The following COLEC12 variants were observed in gnomAD, a reference collection of about 807,000 sequenced individuals.
COLEC12 encodes collectin subfamily member 12.
Under a neutral mutation model 71.1 loss-of-function variants are expected in COLEC12, and 33 were observed. The ratio of observed to expected loss-of-function variants is 0.46; its 90% CI spans 0.35 to 0.62. The LOEUF (loss-of-function observed/expected upper bound fraction) is 0.62. Ranked by LOEUF, COLEC12 falls within the 20% of genes least tolerant of loss-of-function variation. The probability of loss-of-function intolerance (pLI) is 0.00; values close to 1 mark genes in which losing one functional copy is unlikely to be tolerated. For missense variants in COLEC12, 765 were observed against 916.1 expected (o/e 0.84, Z 2.13); for synonymous variants, 350 against 353.0 (o/e 0.99, Z 0.10).
intron 8 of COLEC12, among the ~76,000 whole-genome samples, chr18:322,922 T>C (rs1211037469): frequency 2.6e-5 from 4 of 152,046 alleles, no homozygotes; most frequent in South Asian, 4.1e-4. Context: ...TATTTTGGGA[T>C]TTAAAAAAAA....
Position 347,104 on chromosome 18 carries a change from G to A in COLEC12, c.518C>T (p.Ala173Val), listed in dbSNP as rs201197346. The part of the protein sequence containing the change: ...LITTVNKTLQ[A>V]YNGYVTNLQQ... ...CAGATTCGTGACATAGCCATTATAC[G>A]CCTGGAGGGTTTTGTTTACAGTGGT... is the stretch of plus-strand genomic sequence containing the variant. The change falls in exon 5 of 10, where the codon GCG becomes GTG. Residue 173 changes from alanine (A) to valine (V), a missense_variant. Physicochemically the swap from Ala to Val is moderately conservative, Grantham distance 64. Transcript: ENST00000400256. 6.8e-5 allele frequency: 109 copies of A among 1,614,020 alleles called. No individual in the cohort carries two copies. The highest frequency in any genetic ancestry group is 8.6e-5 in the Non-Finnish European group (102 of 1,180,034).
chr18:326,470 C>T (rs1206010687), intron 8 of COLEC12, among the ~76,000 whole-genome samples: 1 of 152,196 alleles, frequency 6.6e-6, no homozygotes, highest in African/African-American at 2.4e-5. Context: ...GCCTCAGCCT[C>T]CCGAGTAGCT....
At position 346,960 on chromosome 18, in the gene COLEC12, G is replaced by A. The variant is rs148602317; in HGVS notation, c.662C>T (p.Thr221Met). The A allele has an allele frequency of 3.2e-5, 52 of 1,614,196 alleles. No homozygotes were observed. In the African/African-American group the frequency reaches 4.9e-4, roughly 15 times the overall value. Residue 221 changes from threonine (T) to methionine (M), a missense_variant, in exon 5 of 10, where the codon ACG becomes ATG. Transcript: ENST00000400256. This position sits in a 1 kb window ranked among gnomAD's most constrained non-coding sequence, Gnocchi z 4.0. ...GTCATCCACAGACCGCTGCAGATTC[G>A]TGATGAGGTTCCTCTGCTGCACCTG... is the stretch of plus-strand genomic sequence containing the variant. Reference protein sequence around the residue: ...LTQVQQRNLITNLQRSVDDTS... With the variant: ...LTQVQQRNLIMNLQRSVDDTS...
At chr18:458,474 C>G (rs569488973) in intron 2 of COLEC12, among the ~76,000 whole-genome samples, 1 of 152,214 alleles carries the variant, frequency 6.6e-6, no homozygotes, top group African/African-American at 2.4e-5. Flanking sequence ...TGCACCTGAA[C>G]GATCCAGGTT....
At chr18:368,603 G>C (rs774995927) in intron 2 of COLEC12, among the ~76,000 whole-genome samples, 4 of 151,886 alleles carry the variant, frequency 2.6e-5, no homozygotes. Flanking sequence ...GGTGGCTCAG[G>C]CCTGTAATCC....
chr18:389,429 C>T (rs1169199890), intron 2 of COLEC12, among the ~76,000 whole-genome samples: 1 of 151,872 alleles, frequency 6.6e-6, no homozygotes, highest in African/African-American at 2.4e-5. Context: ...CAGGCGCCCG[C>T]CACCATGCTC....
chr18:456,798 AT>A (rs749927059), intron 2 of COLEC12, among the ~76,000 whole-genome samples: 1 of 152,170 alleles, frequency 6.6e-6, no homozygotes, highest in African/African-American at 2.4e-5. Context: ...GTCTGGAGAG[AT>A]TGTTCACGAG....
intron 5 of COLEC12, among the ~76,000 whole-genome samples, chr18:342,271 T>C (rs1356412665): frequency 6.6e-6 from 1 of 152,242 alleles, no homozygotes; most frequent in Non-Finnish European, 1.5e-5. Context: ...TTGGTCAGGC[T>C]GGTTGCAAAC....
At chr18:481,040 T>C (rs555999891) in intron 1 of COLEC12, among the ~76,000 whole-genome samples, 2 of 152,266 alleles carry the variant, frequency 1.3e-5, no homozygotes, top group Admixed American at 6.5e-5. Flanking sequence ...GGCCACTCCC[T>C]GCCACGCTAC....
At chr18:378,990 C>T (rs938124530) in intron 2 of COLEC12, among the ~76,000 whole-genome samples, 18 of 152,184 alleles carry the variant, frequency 1.2e-4, no homozygotes, top group Admixed American at 9.8e-4. Flanking sequence ...GATTGAGCCA[C>T]GCCGGTGGAA....
intron 3 of COLEC12, among the ~76,000 whole-genome samples, chr18:356,055 C>T (rs1476263078): frequency 6.6e-6 from 1 of 152,120 alleles, no homozygotes; most frequent in Non-Finnish European, 1.5e-5. Context: ...ACGTATATGG[C>T]CTTAGAGATG....
chr18:434,992 T>C (rs983088356), intron 2 of COLEC12, among the ~76,000 whole-genome samples: 2 of 152,178 alleles, frequency 1.3e-5, no homozygotes, highest in African/African-American at 4.8e-5. Flanking sequence ...CTTTCAGCCT[T>C]GCCTGTTATC....
chr18:373,333 G>A (rs965569022), intron 2 of COLEC12, among the ~76,000 whole-genome samples: 6 of 152,174 alleles, frequency 3.9e-5, no homozygotes, highest in Middle Eastern at 3.4e-3. Context: ...CTTCTCCCAC[G>A]AGGCTTTCGA....
At chr18:395,971 C>T (rs1393330097) in intron 2 of COLEC12, among the ~76,000 whole-genome samples, 1 of 152,202 alleles carries the variant, frequency 6.6e-6, no homozygotes, top group Non-Finnish European at 1.5e-5. Context: ...AATTTACAGG[C>T]CCTGTGCGAC....
chr18:369,445 T>C (rs545282107), intron 2 of COLEC12, among the ~76,000 whole-genome samples: 6 of 101,190 alleles, frequency 5.9e-5, no homozygotes, highest in African/African-American at 1.9e-4. Flanking sequence ...TTTTTTGGAA[T>C]AATGTTTTTT....
In COLEC12 at chr18:414,896, C is replaced by T. The variant is rs781113003; in HGVS notation, c.59-57374G>A. The stretch of plus-strand genomic sequence containing the variant: ...GTGAGTGTGGCCAAGAGATTTCAAG[C>T]ACCTTTTAAAACTGTGCAATCACCT... On this transcript the variant is annotated intron_variant, in intron 2 of 9. Coordinates refer to ENST00000400256, the MANE Select transcript of COLEC12 (RefSeq NM_130386.3). Among the ~76,000 whole-genome samples the T allele has an allele frequency of 3.9e-5, 6 of 152,310 alleles. No individual in the cohort carries two copies. The East Asian group carries it at 7.7e-4, about 20-fold the overall frequency.
At chr18:365,662 T>C (rs1158211206) in intron 2 of COLEC12, among the ~76,000 whole-genome samples, 1 of 152,044 alleles carries the variant, frequency 6.6e-6, no homozygotes, top group Non-Finnish European at 1.5e-5. Flanking sequence ...GATTAAAAAA[T>C]TTATTTACCT....
chr18:496,965 C>T (rs1917723582), intron 1 of COLEC12, among the ~76,000 whole-genome samples: 1 of 152,080 alleles, frequency 6.6e-6, no homozygotes, highest in Non-Finnish European at 1.5e-5. Flanking sequence ...ATCCAAAAAG[C>T]CATGAGATTG....
chr18:339,665 C>A (rs2143452610), intron 5 of COLEC12, among the ~76,000 whole-genome samples: 1 of 152,334 alleles, frequency 6.6e-6, no homozygotes, highest in Non-Finnish European at 1.5e-5. Flanking sequence ...TCTTCCATTA[C>A]AGCTGCCCCA....
Sources: gnomAD v4.1 joint callset for allele counts (sites outside exome capture counted in the v4.1 genomes callset) on GRCh38, gnomAD v4.1.1 for gene constraint, Gnocchi (gnomAD v3.1) non-coding constraint, MANE v1.5 for transcripts, NCBI Gene and HGNC (gene_info 2026-07-23, HGNC 2026-07-21) for gene names.